Variants in BRF1 observed in about 807,000 individuals in gnomAD.
BRF1 encodes transcription factor IIIB 90 kDa subunit.
Under a neutral mutation model 81.7 loss-of-function variants are expected in BRF1, and 59 were observed. That is an observed-to-expected ratio of 0.72 (90% confidence interval 0.59 to 0.90). The LOEUF (loss-of-function observed/expected upper bound fraction) is 0.90. Among genes scored for constraint, BRF1 ranks in the 40% least tolerant of loss-of-function variants. BRF1 has a pLI of 0.00. For missense variants in BRF1, 1,050 were observed against 936.3 expected, an observed-to-expected ratio of 1.12 and a Z score of -1.58; for synonymous variants, 491 against 395.6, an observed-to-expected ratio of 1.24 and a Z score of -2.86.
intron 2 of BRF1, among the ~76,000 whole-genome samples, chr14:105,274,711 C>T (rs1441064444): frequency 6.6e-6 from 1 of 152,370 alleles, no homozygotes; most frequent in East Asian, 1.9e-4. Context: ...CTCACTGCCC[C>T]ACTCTGTCTG....
At chr14:105,219,407 CTGTTG>C in intron 12 of BRF1, 175 bp from the exon 13 acceptor site, 1 of 1,380,070 alleles carries the variant, frequency 7.2e-7, no homozygotes, top group East Asian at 2.5e-5. Flanking sequence ...AGTTGGGGAC[CTGTTG>C]CTCTGTGGCC....
At chr14:105,211,560 G>C (rs1475828443) in intron 16 of BRF1, 2 of 508,110 alleles carry the variant, frequency 3.9e-6, no homozygotes, top group African/African-American at 3.9e-5. Flanking sequence ...CCAGTGCTCG[G>C]GGAGCATGCA....
chr14:105,249,704 A>C (rs772458670), intron 5 of BRF1: 1 of 1,613,668 alleles, frequency 6.2e-7, no homozygotes, highest in Non-Finnish European at 8.5e-7. Flanking sequence ...GTACGCTGCT[A>C]AGAAGTACAT....
chr14:105,249,896 G>C (rs1188776634), intron 5 of BRF1: 1 of 1,611,220 alleles, frequency 6.2e-7, no homozygotes, highest in Non-Finnish European at 8.5e-7. Flanking sequence ...CTGTGAGATA[G>C]ACCGGCAGAC....
At chr14:105,255,130 G>A (rs1008293466) in intron 4 of BRF1, among the ~76,000 whole-genome samples, 1 of 152,178 alleles carries the variant, frequency 6.6e-6, no homozygotes, top group African/African-American at 2.4e-5. Flanking sequence ...CCATGAGCTC[G>A]CCATGGGACC....
At position 105,217,706 on chromosome 14, in the gene BRF1, T is replaced by C; in HGVS notation, c.1610A>G (p.Lys537Arg). The C allele has an allele frequency of 6.2e-7, 1 of 1,613,434 alleles. No homozygotes were observed. Among genetic ancestry groups the C allele is most frequent in the East Asian group, 2.2e-5 (1 of 44,890 alleles). Reference sequence around the variant, plus strand: ...GCCCCGGAGCACGCTATAATTGATCTTGCTGGAGATCTTCTTCTGCTCCAG... The same window carrying C: ...GCCCCGGAGCACGCTATAATTGATCCTGCTGGAGATCTTCTTCTGCTCCAG... The part of the protein sequence containing the change: ...KMLEQKKISS[K>R]INYSVLRGLS... Residue 537 changes from lysine to arginine, a missense_variant, in exon 15 of 18, where the codon AAG (lysine) becomes AGG (arginine). This residue lies in a region of BRF1 where 1,043 missense variants were observed against 915.4 expected (regional missense o/e 1.14). Transcript: ENST00000547530.
In BRF1 at chr14:105,211,153, G is replaced by T; in HGVS notation, c.1965C>A (p.Cys655Ter). 6.2e-7 allele frequency: 1 copy of T among 1,612,528 alleles called. No individual in the cohort carries two copies. ...TGCCCATCATCTGCAGGGCACTGAC[G>T]CAGGGCTCCCCGTCCTCCTCGTCAG... is the stretch of plus-strand genomic sequence containing the variant. ...EEPDEEDGEP[C>*]VSALQMMGSN... is the part of the protein sequence containing the mutation. Residue 655 changes from cysteine (C) to a stop codon, truncating the protein, a stop_gained, in exon 17 of 18, where the codon TGC becomes TGA. Transcript: ENST00000547530. LOFTEE classifies it high-confidence loss of function.
intron 1 of BRF1, among the ~76,000 whole-genome samples, chr14:105,312,890 A>T (rs767451096): frequency 2.6e-5 from 4 of 152,176 alleles, no homozygotes; most frequent in Non-Finnish European, 5.9e-5. Flanking sequence ...GACCCACCAT[A>T]CGGGTTCTTC....
chr14:105,225,642 C>G (rs1258421852), intron 10 of BRF1, among the ~76,000 whole-genome samples: 1 of 142,218 alleles, frequency 7.0e-6, no homozygotes, highest in African/African-American at 2.9e-5. Context: ...GTAGGGGAAA[C>G]TTACATTCTT....
intron 7 of BRF1, 116 bp downstream of exon 7, chr14:105,228,704 C>A: frequency 2.5e-6 from 3 of 1,197,180 alleles, no homozygotes; most frequent in South Asian, 1.3e-5. Flanking sequence ...TCCTGGCCAG[C>A]AGCCAGGCGG....
At chr14:105,229,433 G>C (rs375959529) in intron 6 of BRF1, among the ~76,000 whole-genome samples, 1 of 152,240 alleles carries the variant, frequency 6.6e-6, no homozygotes, top group Non-Finnish European at 1.5e-5. Context: ...CTGGCCTGCC[G>C]GGTAGAGTGG....
chr14:105,226,218 C>T (rs763009684), intron 9 of BRF1, 33 bp downstream of exon 9: 3 of 1,614,078 alleles, frequency 1.9e-6, no homozygotes, highest in East Asian at 2.2e-5. Context: ...CCCAACAAAA[C>T]AGAAGCATTA....
intron 5 of BRF1, chr14:105,247,468 G>A (rs929290373): frequency 1.0e-6 from 1 of 985,398 alleles, no homozygotes; most frequent in African/African-American, 1.7e-5. Context: ...TGGGTTGTCA[G>A]CCTTTTCCTT....
Position 105,221,757 on chromosome 14 carries a change from G to A in BRF1, c.1206C>T (p.Gly402=), listed in dbSNP as rs200689064. ...GGGACCCCAGGGCCGGAGGTCTGCC[G>A]CCCCACTCGGGGCTTCCTGCTGCTT... ...SSEAAGSPEW[G]GRPPALGSLL... The change falls in exon 11 of 18, where the codon GGC becomes GGT. Residue 402 remains glycine, a synonymous_variant. Transcript: ENST00000547530. 19 of 1,611,044 alleles carry A rather than the reference G, an allele frequency of 1.2e-5. No individual in the cohort carries two copies. Among genetic ancestry groups the A allele is most frequent in the Middle Eastern group, 1.8e-4 (1 of 5,584 alleles).
chr14:105,247,561 G>T, intron 5 of BRF1: 3 of 985,390 alleles, frequency 3.0e-6, no homozygotes, highest in Non-Finnish European at 3.6e-6. Flanking sequence ...CTCTCCCAGG[G>T]AACATTCACT....
At position 105,256,138 on chromosome 14, in the gene BRF1, T is replaced by C. The variant is rs965291094; in HGVS notation, c.471+380A>G. The stretch of plus-strand genomic sequence containing the variant: ...AGACTCCATCTCATAAATAAATAAA[T>C]AAATAAAATGCAAGGTCAAAAGAAA... On this transcript the variant is annotated intron_variant, in intron 4 of 17. Transcript: ENST00000547530. 46 of 1,406,172 alleles carry C rather than the reference T, an allele frequency of 3.3e-5. No individual in the cohort carries two copies. The African/African-American group carries it at 6.7e-4, about 20-fold the overall frequency. The allele number at this position is 1,406,172 out of a possible 1,614,324, so 87.1% of individuals were successfully genotyped here.
At chr14:105,216,850 G>C (rs1479863182) in intron 15 of BRF1, among the ~76,000 whole-genome samples, 4 of 152,192 alleles carry the variant, frequency 2.6e-5, no homozygotes, top group South Asian at 2.1e-4. Flanking sequence ...AACCACCAAA[G>C]GGTGGACCCA....
intron 1 of BRF1, among the ~76,000 whole-genome samples, chr14:105,306,935 C>A (rs1467170109): frequency 1.3e-5 from 2 of 152,068 alleles, no homozygotes; most frequent in African/African-American, 4.8e-5. Flanking sequence ...GGTGCTTTGA[C>A]ATCTTGGGGT....
At chr14:105,295,240 G>A (rs1391290771) in intron 1 of BRF1, among the ~76,000 whole-genome samples, 1 of 148,410 alleles carries the variant, frequency 6.7e-6, no homozygotes, top group Non-Finnish European at 1.5e-5. Context: ...GCCAAGGTGG[G>A]AGGATGCCTT....
Sources: allele counts gnomAD v4.1 joint callset (sites outside exome capture counted in the v4.1 genomes callset), GRCh38; gene constraint gnomAD v4.1.1; regional missense constraint gnomAD v4.1.1; transcripts MANE v1.5; gene names NCBI Gene and HGNC (gene_info 2026-07-23, HGNC 2026-07-21).